Variants in OVCH1 observed in about 807,000 individuals in gnomAD.
The protein encoded by OVCH1 is ovochymase 1.
OVCH1 carries 139 observed loss-of-function variants against 138.4 expected under a neutral mutation model. The observed-to-expected ratio is 1.00, with a 90% CI of 0.87 to 1.16. The LOEUF (loss-of-function observed/expected upper bound fraction) is 1.16. Among genes scored for constraint, OVCH1 ranks in the 50% most tolerant of loss-of-function variants. OVCH1 has a pLI of 0.00. For missense variants in OVCH1, 1,367 were observed against 1,357.9 expected (o/e 1.01, Z -0.11); for synonymous variants, 453 against 467.8 (o/e 0.97, Z 0.41).
In OVCH1 at chr12:29,444,296, G is replaced by A. The variant is rs1268504054; in HGVS notation, c.2882-16C>T. On this transcript the variant is annotated splice_polypyrimidine_tract_variant and intron_variant, in intron 23 of 27. Transcript: ENST00000318184. Reference sequence around the variant, plus strand: ...TCCTTTGGACCTAAAAGAACAGGAAGCAGAGAAAATGAGAATAAAACCAAT... The same window carrying A: ...TCCTTTGGACCTAAAAGAACAGGAAACAGAGAAAATGAGAATAAAACCAAT... 6 of 1,607,784 alleles carry A rather than the reference G, an allele frequency of 3.7e-6. No individual in the cohort carries two copies. The South Asian group carries it at 6.6e-5, about 18-fold the overall frequency.
chr12:29,475,240 A>G, intron 13 of OVCH1, 51 bp from the exon 14 acceptor site: 1 of 1,324,222 alleles, frequency 7.6e-7, no homozygotes, highest in Non-Finnish European at 9.9e-7. Context: ...TTAAAAAATC[A>G]GAACACACAG....
intron 16 of OVCH1, among the ~76,000 whole-genome samples, chr12:29,469,604 G>A (rs1942432516): frequency 6.6e-6 from 1 of 152,082 alleles, no homozygotes; most frequent in Admixed American, 6.6e-5. Flanking sequence ...GGAAAGTGGG[G>A]CACTGTGGGT....
chr12:29,428,305 C>A (rs1479239138), intron 27 of OVCH1, among the ~76,000 whole-genome samples: 1 of 152,170 alleles, frequency 6.6e-6, no homozygotes, highest in Admixed American at 6.5e-5. Context: ...GAAACCAATT[C>A]AGAACAAAGT....
intron 27 of OVCH1, chr12:29,433,650 C>T (rs1941307998): frequency 8.2e-7 from 1 of 1,215,122 alleles, no homozygotes; most frequent in African/African-American, 1.6e-5. Context: ...TTGAATAGTG[C>T]CTGGCATATT....
chr12:29,451,350 G>A (rs189537184), exon 22 of OVCH1: 34 of 1,611,346 alleles, frequency 2.1e-5, no homozygotes, highest in South Asian at 4.4e-5. Flanking sequence ...ATTACCTGCC[G>A]TCTTTCTCTT....
chr12:29,465,306 A>T, intron 16 of OVCH1, 87 bp from the exon 17 acceptor site: 1 of 1,113,364 alleles, frequency 9.0e-7, no homozygotes, highest in Non-Finnish European at 1.3e-6. Flanking sequence ...CTCTGAGACT[A>T]TAAAGTCTTT....
At chr12:29,455,857 G>A (rs1367816272) in intron 19 of OVCH1, among the ~76,000 whole-genome samples, 6 of 152,060 alleles carry the variant, frequency 3.9e-5, no homozygotes, top group African/African-American at 9.6e-5. Flanking sequence ...TAAGGAAATC[G>A]GGTTAGGGTC....
Position 29,486,825 on chromosome 12 carries a change from T to C in OVCH1, c.893-477A>G, listed in dbSNP as rs79718653. The stretch of plus-strand genomic sequence containing the variant: ...GTCTGATTTCATTGCTCTTGTAAAA[T>C]CTCATTGTTACCATTTACATTTGTT... On this transcript the variant is annotated intron_variant, in intron 7 of 27. Transcript: ENST00000318184. The C allele has an allele frequency of 1.2e-4, 52 of 430,618 alleles. No homozygotes were observed. In the East Asian group the frequency reaches 3.5e-3, roughly 29 times the overall value. 26.7% of individuals were successfully genotyped at this position (430,618 alleles called of 1,614,324 possible).
chr12:29,450,487 A>T (rs1222052924), intron 22 of OVCH1, among the ~76,000 whole-genome samples: 2 of 152,218 alleles, frequency 1.3e-5, no homozygotes, highest in Admixed American at 1.3e-4. Flanking sequence ...CTCCAGTTAG[A>T]ATGGCGATTA....
rs374605013 is a variant in OVCH1, at chr12:29,443,508, A to G, written c.3018-8T>C. 2 of 1,579,324 alleles carry G rather than the reference A, an allele frequency of 1.3e-6. No homozygotes were observed. The highest frequency in any genetic ancestry group is 2.7e-5 in the African/African-American group (2 of 73,508). ...ACTAATCTCCATTGGCAACTATGGC[A>G]TAGATGAAACAAAGTCAGAAATTAT... On this transcript the variant is annotated splice_polypyrimidine_tract_variant and splice_region_variant and intron_variant, in intron 24 of 27. Transcript: ENST00000318184.
At chr12:29,469,808 G>C (rs931662195) in intron 16 of OVCH1, among the ~76,000 whole-genome samples, 4 of 152,066 alleles carry the variant, frequency 2.6e-5, no homozygotes, top group African/African-American at 9.7e-5. Context: ...CCACAGGTAA[G>C]ACTAAAGTGA....
chr12:29,485,890 CAG>C (rs1234907220), intron 8 of OVCH1, among the ~76,000 whole-genome samples: 1 of 151,240 alleles, frequency 6.6e-6, no homozygotes, highest in Non-Finnish European at 1.5e-5. Flanking sequence ...TTGCAGTGAG[CAG>C]AGACTGCTTG....
intron 26 of OVCH1, chr12:29,433,855 A>T: frequency 7.5e-7 from 1 of 1,338,424 alleles, no homozygotes; most frequent in South Asian, 1.5e-5. Flanking sequence ...TGCCTCCCAA[A>T]CTGTATTTCA....
At chr12:29,410,588 T>C (rs1193801802), downstream of OVCH1, among the ~76,000 whole-genome samples, 1 of 56,662 alleles carries the variant, frequency 1.8e-5, no homozygotes, top group Admixed American at 2.4e-4. Context: ...TGGCTGGATA[T>C]GAAATTTCTG....
chr12:29,477,638 C>G (rs955085265), intron 9 of OVCH1, 160 bp from the exon 11 acceptor site: 1 of 1,584,204 alleles, frequency 6.3e-7, no homozygotes, highest in African/African-American at 1.3e-5. Context: ...GCTTCAGTGA[C>G]TTTGCTATTC....
At chr12:29,443,602 G>A (rs966824009) in intron 24 of OVCH1, 102 bp from the exon 25 acceptor site, 7 of 1,177,226 alleles carry the variant, frequency 5.9e-6, no homozygotes, top group Non-Finnish European at 6.9e-6. Context: ...GACCCCCAGT[G>A]AGCCTTATTT....
chr12:29,418,465 T>G (rs1941060672), intron 3 of OVCH1, among the ~76,000 whole-genome samples: 1 of 152,248 alleles, frequency 6.6e-6, no homozygotes, highest in African/African-American at 2.4e-5. Context: ...ACTTCAACTT[T>G]TAGAGAAAGT....
chr12:29,411,694 G>A (rs559015180), downstream of OVCH1, among the ~76,000 whole-genome samples: 19 of 152,104 alleles, frequency 1.2e-4, no homozygotes, highest in Non-Finnish European at 2.8e-4. Flanking sequence ...CCGGCCGTGT[G>A]AAGTGTCAGT....
downstream of OVCH1, among the ~76,000 whole-genome samples, chr12:29,409,708 G>A (rs1464892395): frequency 6.6e-6 from 1 of 152,172 alleles, no homozygotes; most frequent in East Asian, 1.9e-4. Context: ...TACATTTGCT[G>A]AGGAGAGCTT....
Sources: allele counts gnomAD v4.1 joint callset (sites outside exome capture counted in the v4.1 genomes callset), GRCh38; gene constraint gnomAD v4.1.1; transcripts MANE v1.5; gene names NCBI Gene and HGNC (gene_info 2026-07-23, HGNC 2026-07-21).